TNS1: variants seen among roughly 807,000 people sequenced by gnomAD.
TNS1 encodes tensin-1.
Under a neutral mutation model 168.6 loss-of-function variants are expected in TNS1, and 62 were observed. The ratio of observed to expected loss-of-function variants is 0.37; its 90% CI spans 0.30 to 0.45. The LOEUF (loss-of-function observed/expected upper bound fraction) is 0.45. Ranked by LOEUF, TNS1 falls within the 20% of genes least tolerant of loss-of-function variation. The probability of loss-of-function intolerance (pLI) is 1.00; values close to 1 mark genes in which losing one functional copy is unlikely to be tolerated. For synonymous variants in TNS1, 934 were observed against 933.2 expected, an observed-to-expected ratio of 1.00 and a Z score of -0.02; for missense variants, 2,240 against 2,339.4, an observed-to-expected ratio of 0.96 and a Z score of 0.88.
At chr2:217,982,833 A>G (rs1307042405) in intron 2 of TNS1, among the ~76,000 whole-genome samples, 1 of 152,210 alleles carries the variant, frequency 6.6e-6, no homozygotes, top group Non-Finnish European at 1.5e-5. Flanking sequence ...GCCAGAGGCC[A>G]TCTCCTGGGT....
intron 4 of TNS1, among the ~76,000 whole-genome samples, chr2:217,908,853 T>C (rs1020757960): frequency 6.6e-6 from 1 of 152,024 alleles, no homozygotes; most frequent in Admixed American, 6.6e-5. Context: ...TCTCCTCCAC[T>C]ATCCTCCCTG....
In TNS1 at chr2:217,948,338, A is replaced by C. The variant is rs1181062620; in HGVS notation, c.187-28102T>G. Among the ~76,000 whole-genome samples, 1 of 152,142 alleles carries C rather than the reference A, an allele frequency of 6.6e-6. No homozygotes were observed. The highest frequency in any genetic ancestry group is 1.5e-5 in the Non-Finnish European group (1 of 67,994). ...TCTTCTTCCCCCTCCATCACAGAGA[A>C]GGAAGGGCCACATGCCCAGGTCCCA... On this transcript the variant is annotated intron_variant, in intron 3 of 32. Transcript: ENST00000682258. This position sits in a 1 kb window ranked among gnomAD's most constrained non-coding sequence, Gnocchi z 4.1.
intron 2 of TNS1, among the ~76,000 whole-genome samples, chr2:217,984,715 A>T (rs1030005030): frequency 7.0e-6 from 1 of 142,720 alleles, no homozygotes; most frequent in African/African-American, 2.6e-5. Context: ...CTGGTATCGA[A>T]CTCCTGGGCT....
At chr2:217,851,440 T>TACAC (rs3838563) in intron 18 of TNS1, among the ~76,000 whole-genome samples, 2,169 of 139,780 alleles carry the variant, frequency 0.016, 13 homozygotes, top group Middle Eastern at 0.036. Flanking sequence ...TGCATCCCTC[T>TACAC]ACACACACAC....
intron 22 of TNS1, among the ~76,000 whole-genome samples, chr2:217,828,019 G>A (rs1198577861): frequency 3.3e-5 from 5 of 152,214 alleles, no homozygotes; most frequent in South Asian, 2.1e-4. Flanking sequence ...AGCCTATTGC[G>A]TGGTCCGGCA....
chr2:218,031,118 G>A (rs1958890534), intron 1 of TNS1, among the ~76,000 whole-genome samples: 1 of 112,166 alleles, frequency 8.9e-6, no homozygotes, highest in Non-Finnish European at 1.7e-5. Context: ...GAGTGTGTGT[G>A]AGCATGTCTG....
chr2:217,912,424 G>C (rs1312640567), intron 4 of TNS1, among the ~76,000 whole-genome samples: 1 of 147,730 alleles, frequency 6.8e-6, no homozygotes, highest in Non-Finnish European at 1.5e-5. Context: ...CTTGCCCCCT[G>C]GGAGGCCTGG....
rs1939717625 is a variant in TNS1, at chr2:217,808,646, G to C, written c.5299C>G (p.Leu1767Val). Residue 1767 changes from leucine (L) to valine (V), a missense_variant, in exon 31 of 33, where the codon CTC (leucine) becomes GTC (valine). Leu to Val is a conservative substitution (Grantham distance 32). This residue lies in a region of TNS1 where 109 missense variants were observed against 168.1 expected (regional missense o/e 0.65). Coordinates refer to ENST00000682258, the MANE Select transcript of TNS1 (RefSeq NM_001387777.1). ...AGGTCACAGAAGGTGACAGTGTTGAGAGGGTAGTGGCGTCTGAAAAAGAGC... is the reference window on the plus strand; with the variant it reads ...AGGTCACAGAAGGTGACAGTGTTGACAGGGTAGTGGCGTCTGAAAAAGAGC... Reference protein sequence around the residue: ...RKLFFRRHYPLNTVTFCDLDP... With the variant: ...RKLFFRRHYPVNTVTFCDLDP... 1 of 1,614,114 alleles carries C rather than the reference G, an allele frequency of 6.2e-7. No homozygotes were observed.
intron 2 of TNS1, among the ~76,000 whole-genome samples, chr2:217,983,035 G>A (rs1958095382): frequency 6.6e-6 from 1 of 152,134 alleles, no homozygotes; most frequent in Admixed American, 6.5e-5. Context: ...TGAGAAAGGG[G>A]AAAAACCCAG....
chr2:217,813,978 G>T lies in TNS1; in HGVS notation c.4730-162C>A, dbSNP rs556477127. The T allele has an allele frequency of 3.8e-5, 30 of 791,940 alleles. No individual in the cohort carries two copies. In the African/African-American group the frequency reaches 5.1e-4, roughly 13 times the overall value. 49.1% of individuals were successfully genotyped at this position (791,940 alleles called of 1,614,324 possible). Reference sequence around the variant, plus strand: ...CTCCTACGGGTCTTCCTGTACTCAGGTTGGCAAACTTATTCTGTTGGGTTT... The same window carrying T: ...CTCCTACGGGTCTTCCTGTACTCAGTTTGGCAAACTTATTCTGTTGGGTTT... On this transcript the variant is annotated intron_variant, in intron 25 of 32. Transcript: ENST00000682258. This position sits in a 1 kb window ranked among gnomAD's most constrained non-coding sequence, Gnocchi z 4.0.
chr2:217,883,093 G>T (rs13427550), intron 16 of TNS1, among the ~76,000 whole-genome samples: 26,185 of 152,090 alleles, frequency 0.17, 3,240 homozygotes, highest in African/African-American at 0.34. Flanking sequence ...ACCATACCCA[G>T]CCAGACATGA....
chr2:217,936,040 T>C (rs369785617), intron 3 of TNS1, among the ~76,000 whole-genome samples: 3 of 152,200 alleles, frequency 2.0e-5, no homozygotes, highest in Admixed American at 6.5e-5. Flanking sequence ...ACCTGCGACA[T>C]GCCAGGCACC....
intron 22 of TNS1, among the ~76,000 whole-genome samples, chr2:217,826,619 C>T (rs115570806): frequency 0.02 from 2,984 of 152,306 alleles, 97 homozygotes; most frequent in African/African-American, 0.068. Context: ...TGCTCCTAGC[C>T]GCCCATCCCT....
At chr2:217,841,347 A>G (rs1945933072) in intron 19 of TNS1, 1 of 913,992 alleles carries the variant, frequency 1.1e-6, no homozygotes, top group African/African-American at 1.8e-5. Context: ...AAGGGAGGAT[A>G]TGGGGCAAGG....
chr2:217,905,433 G>A, intron 6 of TNS1: 1 of 427,116 alleles, frequency 2.3e-6, no homozygotes, highest in Non-Finnish European at 4.7e-6. Flanking sequence ...GGTGGTGGCA[G>A]TGGGCTCACC....
At chr2:217,876,650 A>C (rs750004640) in intron 18 of TNS1, among the ~76,000 whole-genome samples, 10 of 152,182 alleles carry the variant, frequency 6.6e-5, no homozygotes, top group Non-Finnish European at 1.2e-4. Flanking sequence ...TCAGTATGCC[A>C]CTGTATTTGG....
chr2:217,965,061 G>A (rs904602712), intron 3 of TNS1, among the ~76,000 whole-genome samples: 6 of 152,210 alleles, frequency 3.9e-5, no homozygotes, highest in African/African-American at 1.4e-4. Context: ...CCAGCAGGTG[G>A]CTGCAGGCAG....
Position 217,890,697 on chromosome 2 carries a change from T to C in TNS1, c.866+265A>G, listed in dbSNP as rs1330551249. 9.4e-6 allele frequency: 5 copies of C among 532,678 alleles called. No homozygotes were observed. In the East Asian group the frequency reaches 1.6e-4, roughly 17 times the overall value. 33.0% of individuals were successfully genotyped at this position (532,678 alleles called of 1,614,324 possible). A position where few individuals can be genotyped will look rare whatever the true frequency, so the allele number is the denominator to read the frequency against. On this transcript the variant is annotated intron_variant, in intron 12 of 32. Coordinates refer to ENST00000682258, the MANE Select transcript of TNS1 (RefSeq NM_001387777.1). Reference sequence around the variant, plus strand: ...CAGCGCCTTCTTATCCCCAGACTCATGCTTCCCCATGAAGGTTGCACTGCT... The same window carrying C: ...CAGCGCCTTCTTATCCCCAGACTCACGCTTCCCCATGAAGGTTGCACTGCT...
intron 5 of TNS1, among the ~76,000 whole-genome samples, chr2:217,906,989 T>C (rs1287073935): frequency 6.6e-6 from 1 of 152,024 alleles, no homozygotes; most frequent in Non-Finnish European, 1.5e-5. Context: ...GCCTGCCCAG[T>C]TGCCTAGCAG....
Sources: gnomAD v4.1 joint callset for allele counts (sites outside exome capture counted in the v4.1 genomes callset) on GRCh38, gnomAD v4.1.1 for gene constraint, gnomAD v4.1.1 regional missense constraint, Gnocchi (gnomAD v3.1) non-coding constraint, MANE v1.5 for transcripts, NCBI Gene and HGNC (gene_info 2026-07-23, HGNC 2026-07-21) for gene names.